SEPTIN3: variants seen among roughly 807,000 people sequenced by gnomAD.
SEPTIN3 encodes the protein septin 3, also known as neuronal-specific septin-3.
SEPTIN3 carries 15 observed loss-of-function variants against 45.1 expected under a neutral mutation model. That is an observed-to-expected ratio of 0.33 (90% CI 0.22 to 0.51). The LOEUF (loss-of-function observed/expected upper bound fraction) is 0.51. Among genes scored for constraint, SEPTIN3 ranks in the 20% least tolerant of loss-of-function variants. The pLI is 0.97. For synonymous variants in SEPTIN3, 148 were observed against 164.8 expected, an observed-to-expected ratio of 0.90 and a Z score of 0.78; for missense variants, 289 against 457.2, an observed-to-expected ratio of 0.63 and a Z score of 3.35.
chr22:41,970,080 C>G (rs529680223), intron 1 of SEPTIN3, among the ~76,000 whole-genome samples: 1 of 152,096 alleles, frequency 6.6e-6, no homozygotes, highest in South Asian at 2.1e-4. Flanking sequence ...CTGCCTTCCC[C>G]GTCCCTGCTG....
At position 41,972,899 on chromosome 22, in the gene SEPTIN3, G is replaced by C. The variant is rs925408282; in HGVS notation, c.1407G>C (p.Met469Ile). The part of the protein sequence containing the change: ...TISDVATCLL[M>I]PSRSTDLALD... ...CAGACGTTGCTACATGCCTGCTAATGCCAAGCAGATCCACAGACCTAGCCC... is the reference window on the plus strand; with the variant it reads ...CAGACGTTGCTACATGCCTGCTAATCCCAAGCAGATCCACAGACCTAGCCC... The change falls in exon 2 of 12, where the codon ATG (methionine) becomes ATC (isoleucine). Residue 469 changes from methionine to isoleucine, a missense_variant. Physicochemically the swap from Met to Ile is conservative, Grantham distance 10. Transcript: ENST00000644076. The C allele has an allele frequency of 2.5e-6, 1 of 399,138 alleles. No homozygotes were observed. Among genetic ancestry groups the C allele is most frequent in the African/African-American group, 2.1e-5 (1 of 48,642 alleles). The allele number at this position is 399,138 out of a possible 1,614,324, so 24.7% of individuals were successfully genotyped here.
At chr22:41,981,135 C>T (rs1233264755) in intron 2 of SEPTIN3, among the ~76,000 whole-genome samples, 1 of 152,154 alleles carries the variant, frequency 6.6e-6, no homozygotes, top group Non-Finnish European at 1.5e-5. Flanking sequence ...GTCTGAACAA[C>T]CCCAGACATT....
In SEPTIN3 at chr22:41,981,815, G is replaced by A. The variant is rs1008009421; in HGVS notation, c.1675G>A (p.Asp559Asn). The A allele has an allele frequency of 6.2e-7, 1 of 1,613,798 alleles. No homozygotes were observed. Among genetic ancestry groups the A allele is most frequent in the Non-Finnish European group, 8.5e-7 (1 of 1,179,878 alleles). ...MRKKTMKTGF[D>N]FNIMVVGQSG... is the part of the protein sequence containing the mutation. ...CAAGAAGACCATGAAGACCGGTTTCGACTTCAACATCATGGTCGTTGGTAC... is the reference window on the plus strand; with the variant it reads ...CAAGAAGACCATGAAGACCGGTTTCAACTTCAACATCATGGTCGTTGGTAC... Residue 559 changes from aspartate (D) to asparagine (N), a missense_variant, in exon 3 of 12, where the codon GAC becomes AAC. Physicochemically the swap from Asp to Asn is conservative, Grantham distance 23. Transcript: ENST00000644076.
chr22:41,982,250 T>TTGG (rs1206263575), intron 3 of SEPTIN3: 5 of 173,484 alleles, frequency 2.9e-5, no homozygotes, highest in Non-Finnish European at 6.2e-5. Context: ...GGCTCACACC[T>TTGG]GTAATCCCAG....
chr22:41,992,480 A>G (rs1177136744), intron 8 of SEPTIN3, among the ~76,000 whole-genome samples, 184 bp from the exon 9 acceptor site: 3 of 152,198 alleles, frequency 2.0e-5, no homozygotes, highest in Admixed American at 6.5e-5. Context: ...GGACTCTTCA[A>G]TCTCAGTCGG....
At position 41,987,213 on chromosome 22, in the gene SEPTIN3, G is replaced by T; in HGVS notation, c.1833G>T (p.Glu611Asp). 1.2e-6 allele frequency: 2 copies of T among 1,613,438 alleles called. No individual in the cohort carries two copies. Among genetic ancestry groups the T allele is most frequent in the Non-Finnish European group, 1.7e-6 (2 of 1,179,624 alleles). ...VEIKAIGHVI[E>D]EGGVKMKLTV... is the part of the protein sequence containing the mutation. ...TTTTCTTTTCACCCCCAGTGATAGA[G>T]GAAGGCGGTGTCAAAATGAAGCTGA... The change falls in exon 5 of 12, where the codon GAG becomes GAT. Residue 611 changes from glutamate (E) to aspartate (D), a missense_variant. By Grantham distance (45) the Glu-to-Asp change is conservative (BLOSUM62 2). Transcript: ENST00000644076.
chr22:41,971,055 A>AG (rs1419706846), intron 1 of SEPTIN3, among the ~76,000 whole-genome samples: 2 of 152,122 alleles, frequency 1.3e-5, no homozygotes, highest in African/African-American at 4.8e-5. Flanking sequence ...TGGAAGAGAA[A>AG]GGGAGAGACG....
At chr22:41,973,503 CAAAAAAAAA>C (rs144943770) in intron 2 of SEPTIN3, among the ~76,000 whole-genome samples, 1 of 121,686 alleles carries the variant, frequency 8.2e-6, no homozygotes, top group African/African-American at 3.2e-5. Flanking sequence ...ACTAAAAGTA[CAAAAAAAAA>C]AAAAAAAAAA....
rs145269020 is a variant in SEPTIN3, at chr22:41,979,200, G to C, written c.1505-2445G>C. Among the ~76,000 whole-genome samples the C allele has an allele frequency of 8.4e-4, 128 of 152,262 alleles. 1 individual carries two copies. Among genetic ancestry groups the C allele is most frequent in the African/African-American group, 3.1e-3 (127 of 41,538 alleles). ...TGTGGTAGCCCCTAGATGCTGCTTG[G>C]GGATCTGGTAGGACCCTCTCTCCAT... On this transcript the variant is annotated intron_variant, in intron 2 of 11. Transcript: ENST00000644076.
intron 2 of SEPTIN3, chr22:41,977,001 C>T (rs1369166565): frequency 6.4e-7 from 1 of 1,554,168 alleles, no homozygotes. Context: ...GCCCGCGCCC[C>T]GCTCAGCCTT....
At chr22:41,989,491 T>C (rs889998766) in intron 6 of SEPTIN3, 76 bp from the exon 7 acceptor site, 13 of 904,118 alleles carry the variant, frequency 1.4e-5, no homozygotes, top group Non-Finnish European at 2.2e-5. Flanking sequence ...CTCCTGTGGG[T>C]GTCCTGGAGT....
At chr22:41,977,704 AG>A (rs1027948515) in intron 2 of SEPTIN3, among the ~76,000 whole-genome samples, 3 of 147,976 alleles carry the variant, frequency 2.0e-5, no homozygotes, top group South Asian at 2.2e-4. Flanking sequence ...TGGAAGGAAG[AG>A]GGGGGGCCTG....
intron 5 of SEPTIN3, 99 bp from the exon 6 acceptor site, chr22:41,987,523 G>A (rs900506221): frequency 7.0e-7 from 1 of 1,420,796 alleles, no homozygotes; most frequent in Admixed American, 1.9e-5. Flanking sequence ...ACCAACCAGG[G>A]AATGACATGA....
At position 41,985,880 on chromosome 22, in the gene SEPTIN3, G is replaced by A. The variant is rs1043154753; in HGVS notation, c.1697-104G>A. 1.2e-5 allele frequency: 17 copies of A among 1,387,212 alleles called. No homozygotes were observed. In the African/African-American group the frequency reaches 2.2e-4, roughly 18 times the overall value. The allele number at this position is 1,387,212 out of a possible 1,614,324, so 85.9% of individuals were successfully genotyped here. On this transcript the variant is annotated intron_variant, in intron 3 of 11. Transcript: ENST00000644076. ...CCCCCAGTGAGTGGTCAGACAAGGT[G>A]TGGCCTGGATCATGGCTCTAGAATT...
chr22:41,974,535 T>C (rs773769068), intron 2 of SEPTIN3, among the ~76,000 whole-genome samples: 71 of 150,854 alleles, frequency 4.7e-4, no homozygotes, highest in Admixed American at 7.9e-4. Context: ...TGGTGGTGGG[T>C]GCCTGTAGTC....
chr22:41,974,232 G>A (rs1324364273), intron 2 of SEPTIN3, among the ~76,000 whole-genome samples: 6 of 151,970 alleles, frequency 3.9e-5, no homozygotes, highest in African/African-American at 7.2e-5. Context: ...AGCATCTCCC[G>A]GGATTGTTTG....
At chr22:41,992,529 A>G in intron 8 of SEPTIN3, 135 bp from the exon 9 acceptor site, 1 of 597,840 alleles carries the variant, frequency 1.7e-6, no homozygotes, top group Middle Eastern at 4.6e-4. Flanking sequence ...CCTTGCCATC[A>G]GTAGTATCTC....
At chr22:41,996,185 T>G (rs1227917109) in intron 11 of SEPTIN3, 1 of 985,214 alleles carries the variant, frequency 1.0e-6, no homozygotes, top group African/African-American at 1.7e-5. Flanking sequence ...CCGTCATACA[T>G]TTAGGCTTTT....
intron 2 of SEPTIN3, among the ~76,000 whole-genome samples, chr22:41,974,960 T>G (rs2078002733): frequency 6.6e-6 from 1 of 151,164 alleles, no homozygotes; most frequent in Admixed American, 6.6e-5. Flanking sequence ...TAATAGGTAG[T>G]CTCTGCAGCC....
Sources: allele counts gnomAD v4.1 joint callset (sites outside exome capture counted in the v4.1 genomes callset), GRCh38; gene constraint gnomAD v4.1.1; transcripts MANE v1.5; gene names NCBI Gene and HGNC (gene_info 2026-07-23, HGNC 2026-07-21).